Variants in DPYD observed in about 807,000 individuals in gnomAD.
DPYD encodes the protein dihydropyrimidine dehydrogenase, also known as dihydropyrimidine dehydrogenase [NADP(+)].
Under a neutral mutation model 116.2 loss-of-function variants are expected in DPYD, and 109 were observed. The observed-to-expected ratio is 0.94, with a 90% CI of 0.80 to 1.10. The LOEUF (loss-of-function observed/expected upper bound fraction) is 1.10. Ranked by LOEUF, DPYD falls within the 50% of genes least tolerant of loss-of-function variation. The pLI is 0.00. For synonymous variants in DPYD, 440 were observed against 432.0 expected, an observed-to-expected ratio of 1.02 and a Z score of -0.23; for missense variants, 1,302 against 1,254.5, an observed-to-expected ratio of 1.04 and a Z score of -0.57.
intron 21 of DPYD, among the ~76,000 whole-genome samples, chr1:97,087,929 A>G (rs1014577830): frequency 6.6e-6 from 1 of 152,032 alleles, no homozygotes; most frequent in Admixed American, 6.6e-5. Context: ...ATATGTTGCT[A>G]TTTTTCCTAA....
intron 5 of DPYD, among the ~76,000 whole-genome samples, chr1:97,707,849 G>C (rs1662068338): frequency 6.6e-6 from 1 of 151,858 alleles, no homozygotes; most frequent in African/African-American, 2.4e-5. Context: ...TTTTAAATGG[G>C]TTGTTTTCAT....
chr1:97,190,325 A>G (rs1335822960), intron 20 of DPYD, among the ~76,000 whole-genome samples: 1 of 151,904 alleles, frequency 6.6e-6, no homozygotes, highest in African/African-American at 2.4e-5. Context: ...TCACTGTTCT[A>G]TTGCTATTCT....
chr1:97,172,871 G>A (rs116078748), intron 20 of DPYD, among the ~76,000 whole-genome samples: 3,102 of 152,144 alleles, frequency 0.02, 51 homozygotes, highest in South Asian at 0.074. Context: ...GAATTAATGA[G>A]GACATTTACA....
chr1:97,514,447 C>T (rs914921108), intron 13 of DPYD, among the ~76,000 whole-genome samples: 4 of 151,804 alleles, frequency 2.6e-5, no homozygotes, highest in African/African-American at 9.7e-5. Context: ...TCAGTATATG[C>T]TATCTGAGAC....
chr1:97,197,130 G>GAA, intron 19 of DPYD, among the ~76,000 whole-genome samples: 1 of 152,148 alleles, frequency 6.6e-6, no homozygotes, highest in East Asian at 1.9e-4. Context: ...ACATTTTCTA[G>GAA]GAAGCCCATT....
chr1:97,165,810 T>C (rs935967931), intron 20 of DPYD, among the ~76,000 whole-genome samples: 4 of 151,968 alleles, frequency 2.6e-5, no homozygotes, highest in African/African-American at 9.7e-5. Context: ...CCAACAAGTA[T>C]ATGAAAACAA....
At chr1:97,228,818 G>C (rs1477057224) in intron 19 of DPYD, among the ~76,000 whole-genome samples, 4 of 152,088 alleles carry the variant, frequency 2.6e-5, no homozygotes, top group Non-Finnish European at 5.9e-5. Flanking sequence ...GCAATGAAAG[G>C]ATGATATGAG....
chr1:97,748,147 G>A (rs1409215442), intron 3 of DPYD, among the ~76,000 whole-genome samples: 1 of 151,984 alleles, frequency 6.6e-6, no homozygotes, highest in African/African-American at 2.4e-5. Flanking sequence ...TTCTCCATAC[G>A]GGATTTCAGA....
chr1:97,281,311 A>G (rs940949072), intron 18 of DPYD, among the ~76,000 whole-genome samples: 1 of 151,930 alleles, frequency 6.6e-6, no homozygotes, highest in Admixed American at 6.6e-5. Context: ...GTAAAACAAG[A>G]AATTAAAAGG....
At chr1:97,734,033 A>G (rs1413613182) in intron 4 of DPYD, among the ~76,000 whole-genome samples, 1 of 152,074 alleles carries the variant, frequency 6.6e-6, no homozygotes, top group African/African-American at 2.4e-5. Context: ...AGATGTTAAC[A>G]CTTGGACTGA....
chr1:97,423,309 C>T (rs146531431), intron 14 of DPYD, among the ~76,000 whole-genome samples: 72 of 152,174 alleles, frequency 4.7e-4, no homozygotes, highest in African/African-American at 1.6e-3. Flanking sequence ...ACCACACAAC[C>T]TCTAAGCTCA....
At chr1:97,746,452 T>C (rs1664559025) in intron 3 of DPYD, among the ~76,000 whole-genome samples, 3 of 152,132 alleles carry the variant, frequency 2.0e-5, no homozygotes, top group South Asian at 2.1e-4. Context: ...AAAAACTTAG[T>C]ACATATCACC....
chr1:97,843,520 T>C (rs1052649382), intron 2 of DPYD, among the ~76,000 whole-genome samples: 3 of 152,168 alleles, frequency 2.0e-5, no homozygotes, highest in Non-Finnish European at 4.4e-5. Flanking sequence ...CAATATTGAC[T>C]GTGTGAGAAA....
chr1:97,231,415 C>T (rs150681215), intron 19 of DPYD, among the ~76,000 whole-genome samples: 3,806 of 152,260 alleles, frequency 0.025, 172 homozygotes, highest in African/African-American at 0.086. Context: ...ACTCACAGTT[C>T]CACATGGCTG....
rs12029801 is a variant in DPYD, at chr1:97,225,059, G to A, written c.2442+9793C>T. ...TATCTATCTATCTATCTATCTATCTGTCTATCATCTATCTATATGTAGTGC... is the reference window on the plus strand; with the variant it reads ...TATCTATCTATCTATCTATCTATCTATCTATCATCTATCTATATGTAGTGC... On this transcript the variant is annotated intron_variant, in intron 19 of 22. Coordinates refer to ENST00000370192, the MANE Select transcript of DPYD (RefSeq NM_000110.4). Among the ~76,000 whole-genome samples, 14 of 137,102 alleles carry A rather than the reference G, an allele frequency of 1.0e-4. 1 individual carries two copies. Among genetic ancestry groups the A allele is most frequent in the South Asian group, 2.4e-4 (1 of 4,134 alleles). 89.9% of individuals were successfully genotyped at this position (137,102 alleles called of 152,430 possible). A position where few individuals can be genotyped will look rare whatever the true frequency, so the allele number is the denominator to read the frequency against.
chr1:97,376,887 G>GTGTGTGTGTGTGTGTATATATATATATA, intron 15 of DPYD, among the ~76,000 whole-genome samples: 3 of 128,454 alleles, frequency 2.3e-5, no homozygotes, highest in Admixed American at 8.2e-5. Flanking sequence ...GTGTGTGTGT[G>GTGTGTGTGTGTGTGTATATATATATATA]TATATATATA....
intron 1 of DPYD, among the ~76,000 whole-genome samples, chr1:97,906,441 C>A (rs1673624800): frequency 6.6e-6 from 1 of 152,128 alleles, no homozygotes; most frequent in East Asian, 1.9e-4. Flanking sequence ...ATCAAAAGCA[C>A]ATTTAGAGGA....
At chr1:97,544,559 C>T (rs1347825191) in intron 12 of DPYD, among the ~76,000 whole-genome samples, 1 of 151,918 alleles carries the variant, frequency 6.6e-6, no homozygotes, top group Non-Finnish European at 1.5e-5. Flanking sequence ...CTCTACACAT[C>T]AGATTTCTAT....
At chr1:97,230,279 T>C (rs932634561) in intron 19 of DPYD, among the ~76,000 whole-genome samples, 1 of 152,168 alleles carries the variant, frequency 6.6e-6, no homozygotes, top group African/African-American at 2.4e-5. Flanking sequence ...GTGGTACATG[T>C]ACACCATGGA....
Sources: allele counts gnomAD v4.1 joint callset (sites outside exome capture counted in the v4.1 genomes callset), GRCh38; gene constraint gnomAD v4.1.1; transcripts MANE v1.5; gene names NCBI Gene and HGNC (gene_info 2026-07-23, HGNC 2026-07-21).